Variants in F13A1 observed in about 807,000 individuals in gnomAD.
F13A1 encodes coagulation factor XIII A chain, also known as FSF, A subunit.
A neutral mutation model predicts 80.1 loss-of-function variants in F13A1; 47 were observed. The observed-to-expected ratio is 0.59, with a 90% CI of 0.46 to 0.75. The LOEUF (loss-of-function observed/expected upper bound fraction) is 0.75. Among genes scored for constraint, F13A1 ranks in the 30% least tolerant of loss-of-function variants. The pLI, the probability that F13A1 is intolerant of heterozygous loss-of-function variation, is 0.00. For synonymous variants in F13A1, 349 were observed against 344.9 expected (o/e 1.01, Z -0.13); for missense variants, 817 against 930.4 (o/e 0.88, Z 1.59).
chr6:6,238,680 T>C (rs1399807789), intron 6 of F13A1, among the ~76,000 whole-genome samples: 1 of 146,508 alleles, frequency 6.8e-6, no homozygotes, highest in East Asian at 1.9e-4. Context: ...TACAAATGAC[T>C]GAATAAGAAA....
At chr6:6,249,881 C>G (rs765367740) in intron 5 of F13A1, among the ~76,000 whole-genome samples, 2 of 152,082 alleles carry the variant, frequency 1.3e-5, no homozygotes, top group Admixed American at 6.6e-5. Context: ...GGCGGGGAAG[C>G]CTGAGCACTG....
chr6:6,154,698 C>T (rs938492118), intron 13 of F13A1, among the ~76,000 whole-genome samples: 8 of 152,368 alleles, frequency 5.3e-5, no homozygotes, highest in Admixed American at 1.3e-4. Flanking sequence ...GAAGGTGTAG[C>T]AATACATCAG....
At chr6:6,179,500 T>G (rs1053488246) in intron 11 of F13A1, among the ~76,000 whole-genome samples, 1 of 152,044 alleles carries the variant, frequency 6.6e-6, no homozygotes, top group Non-Finnish European at 1.5e-5. Context: ...AGAATCAGGG[T>G]GGTAAGTACT....
chr6:6,181,046 C>A (rs545879963), intron 11 of F13A1, among the ~76,000 whole-genome samples: 2 of 152,202 alleles, frequency 1.3e-5, no homozygotes, highest in Non-Finnish European at 2.9e-5. Flanking sequence ...CCAGTTCTGG[C>A]CACTGCTGGC....
At position 6,248,406 on chromosome 6, in the gene F13A1, A is replaced by T. The variant is rs770582130; in HGVS notation, c.704T>A (p.Ile235Asn). The stretch of plus-strand genomic sequence containing the variant: ...CATCACATACAGGCAAGTGTCCAGG[A>T]TGCCATCTTCAAACTATTTGGAGAA... ...SWSYGQFEDG[I>N]LDTCLYVMDR... The change falls in exon 6 of 15, where the codon ATC becomes AAC. Residue 235 changes from isoleucine to asparagine, a missense_variant. Ile to Asn is a moderately radical substitution (Grantham distance 149). Transcript: ENST00000264870. 6.2e-7 allele frequency: 1 copy of T among 1,613,650 alleles called. No individual in the cohort carries two copies. The highest frequency in any genetic ancestry group is 1.1e-5 in the South Asian group (1 of 91,064).
intron 12 of F13A1, among the ~76,000 whole-genome samples, chr6:6,171,735 T>G (rs1306030762): frequency 6.6e-6 from 1 of 152,250 alleles, no homozygotes; most frequent in African/African-American, 2.4e-5. Context: ...AAAGGCCTTA[T>G]AAAGGCCTAC....
chr6:6,274,467 C>T (rs186608529), intron 3 of F13A1, among the ~76,000 whole-genome samples: 5 of 152,310 alleles, frequency 3.3e-5, no homozygotes, highest in African/African-American at 1.2e-4. Context: ...AAGTGCACCA[C>T]TTAGATGGCT....
intron 4 of F13A1, among the ~76,000 whole-genome samples, chr6:6,251,293 T>G (rs963065039): frequency 1.3e-5 from 2 of 152,234 alleles, no homozygotes; most frequent in East Asian, 3.8e-4. Flanking sequence ...AATTAAAATA[T>G]AATTTCCAAC....
chr6:6,212,151 G>A (rs1175854750), intron 8 of F13A1, among the ~76,000 whole-genome samples: 1 of 152,248 alleles, frequency 6.6e-6, no homozygotes, highest in Non-Finnish European at 1.5e-5. Context: ...AAGCGGCCAG[G>A]AAGCTCGAAC....
chr6:6,187,123 G>A (rs1352011908), intron 10 of F13A1, among the ~76,000 whole-genome samples: 8 of 125,674 alleles, frequency 6.4e-5, no homozygotes, highest in African/African-American at 9.7e-5. Context: ...GGAGCTTTTG[G>A]GCTGAGACAA....
At chr6:6,147,313 A>G (rs2151067089) in intron 14 of F13A1, among the ~76,000 whole-genome samples, 1 of 152,318 alleles carries the variant, frequency 6.6e-6, no homozygotes, top group African/African-American at 2.4e-5. Context: ...TAAAAAAAGA[A>G]AAGAAGAAAA....
chr6:6,154,178 A>G (rs960711674), intron 13 of F13A1, among the ~76,000 whole-genome samples: 2 of 149,246 alleles, frequency 1.3e-5, no homozygotes, highest in African/African-American at 2.5e-5. Context: ...TCAGAAAGTA[A>G]GGGAGATTTT....
intron 6 of F13A1, among the ~76,000 whole-genome samples, chr6:6,236,104 G>A (rs934398321): frequency 4.6e-5 from 7 of 152,138 alleles, no homozygotes; most frequent in Admixed American, 4.6e-4. Flanking sequence ...ACAAATCAAT[G>A]TATAATGACA....
intron 10 of F13A1, among the ~76,000 whole-genome samples, chr6:6,190,826 G>T (rs548808594): frequency 8.8e-5 from 13 of 146,898 alleles, no homozygotes; most frequent in South Asian, 4.5e-4. Flanking sequence ...CCCCAGCCTC[G>T]CTGCCGCCTT....
At position 6,197,653 on chromosome 6, in the gene F13A1, G is replaced by GGTGA. The variant is rs1318804284; in HGVS notation, c.1113-331_1113-328dup. On this transcript the variant is annotated intron_variant, in intron 8 of 14. Transcript: ENST00000264870. ...AGATTGTGCCACTGCACTTCAGCCT[G>GGTGA]GTGACAGAGGGAGACTCCATCTCAA... Among the ~76,000 whole-genome samples the GGTGA allele has an allele frequency of 2.9e-4, 43 of 150,288 alleles. 2 individuals carry two copies. The highest frequency in any genetic ancestry group is 1.0e-3 in the African/African-American group (42 of 40,384).
chr6:6,189,952 A>G (rs1459006281), intron 10 of F13A1, among the ~76,000 whole-genome samples: 1 of 151,960 alleles, frequency 6.6e-6, no homozygotes, highest in Non-Finnish European at 1.5e-5. Flanking sequence ...TAAACTTCCC[A>G]TCTTGCTTCA....
At chr6:6,244,746 C>T (rs763852495) in intron 6 of F13A1, among the ~76,000 whole-genome samples, 2 of 152,104 alleles carry the variant, frequency 1.3e-5, no homozygotes, top group Non-Finnish European at 2.9e-5. Flanking sequence ...GACAAAGATG[C>T]GAGGCCAGCA....
intron 2 of F13A1, among the ~76,000 whole-genome samples, chr6:6,317,744 C>T (rs780236101): frequency 6.6e-6 from 1 of 152,116 alleles, no homozygotes; most frequent in Non-Finnish European, 1.5e-5. Context: ...GCACAGAACA[C>T]CCTTAGGAGT....
intron 2 of F13A1, among the ~76,000 whole-genome samples, chr6:6,311,849 T>C (rs1257523782): frequency 7.5e-5 from 11 of 146,188 alleles, no homozygotes; most frequent in Middle Eastern, 3.6e-3. Context: ...TATTTGTTTA[T>C]ATATTTGTTT....
Sources: allele counts gnomAD v4.1 joint callset (sites outside exome capture counted in the v4.1 genomes callset), GRCh38; gene constraint gnomAD v4.1.1; transcripts MANE v1.5; gene names NCBI Gene and HGNC (gene_info 2026-07-23, HGNC 2026-07-21).